Variants in NMNAT1 observed in about 807,000 individuals in gnomAD.
NMNAT1 encodes nicotinamide nucleotide adenylyltransferase 1.
In NMNAT1, 11 loss-of-function variants were observed where a neutral mutation model predicts 16.7. The observed-to-expected ratio is 0.66, with a 90% CI of 0.41 to 1.09. The LOEUF is 1.09. NMNAT1 is among the 50% of genes least tolerant of loss of function. The probability of loss-of-function intolerance (pLI) is 0.00; values close to 1 mark genes in which losing one functional copy is unlikely to be tolerated. For synonymous variants in NMNAT1, 110 were observed against 119.8 expected, an observed-to-expected ratio of 0.92 and a Z score of 0.53; for missense variants, 280 against 332.3, an observed-to-expected ratio of 0.84 and a Z score of 1.22.
intron 1 of NMNAT1, among the ~76,000 whole-genome samples, chr1:9,949,197 G>A (rs1298005754): frequency 1.3e-5 from 2 of 150,974 alleles, no homozygotes; most frequent in African/African-American, 4.9e-5. Context: ...AACCCTGGAG[G>A]CGGAGATTTC....
downstream of NMNAT1, among the ~76,000 whole-genome samples, chr1:9,987,400 G>A (rs1642058523): frequency 6.6e-6 from 1 of 151,956 alleles, no homozygotes; most frequent in African/African-American, 2.4e-5. Flanking sequence ...CAGCACTTTG[G>A]GAGGCCGAGG....
chr1:9,979,294 C>T (rs1247637339), intron 3 of NMNAT1, among the ~76,000 whole-genome samples: 2 of 151,796 alleles, frequency 1.3e-5, no homozygotes, highest in East Asian at 3.9e-4. Context: ...ATAGTGAGAC[C>T]TCATCTCTCC....
At chr1:9,990,868 C>T in the NMNAT1 span, among the ~76,000 whole-genome samples, 1 of 152,034 alleles carries the variant, frequency 6.6e-6, no homozygotes, top group Non-Finnish European at 1.5e-5. Flanking sequence ...CAAATTTGAC[C>T]AAATAAATTA....
intron 1 of NMNAT1, among the ~76,000 whole-genome samples, chr1:9,954,786 G>A (rs535212819): frequency 6.6e-6 from 1 of 151,106 alleles, no homozygotes; most frequent in Non-Finnish European, 1.5e-5. Flanking sequence ...CAAACATTAG[G>A]TTCGTGTGGT....
chr1:9,959,327 G>A (rs187756498), intron 1 of NMNAT1, among the ~76,000 whole-genome samples: 151 of 142,088 alleles, frequency 1.1e-3, no homozygotes, highest in South Asian at 3.5e-3. Flanking sequence ...AGCTGAGATC[G>A]TGCCATTGCA....
downstream of NMNAT1, among the ~76,000 whole-genome samples, chr1:9,990,392 C>A (rs1207825412): frequency 6.6e-6 from 1 of 152,200 alleles, no homozygotes; most frequent in Non-Finnish European, 1.5e-5. Context: ...AGTGACTCCT[C>A]ATGGCTCCCC....
At position 9,982,314 on chromosome 1, in the gene NMNAT1, C is replaced by A. The variant is rs747791300; in HGVS notation, c.453C>A (p.Val151=). 2 of 1,611,964 alleles carry A rather than the reference C, an allele frequency of 1.2e-6. No homozygotes were observed. The highest frequency in any genetic ancestry group is 1.1e-5 in the South Asian group (1 of 90,846). Residue 151 remains valine (V), a synonymous_variant, in exon 5 of 5, where the codon GTC becomes GTA. Coordinates refer to ENST00000377205, the MANE Select transcript of NMNAT1 (RefSeq NM_022787.4). The stretch of plus-strand genomic sequence containing the variant: ...TATTCTTCCCAGCTGTGCCAAAGGT[C>A]AAGCTGCTGTGTGGGGCAGATTTAT... The part of the protein sequence containing the change: ...LEPKTKAVPK[V]KLLCGADLLE...
At chr1:9,987,655 A>T (rs537217684), downstream of NMNAT1, among the ~76,000 whole-genome samples, 5 of 151,814 alleles carry the variant, frequency 3.3e-5, no homozygotes, top group East Asian at 1.9e-4. Flanking sequence ...AAATAAATAA[A>T]TAAATTAAAT....
At chr1:9,990,854 G>C in the NMNAT1 span, among the ~76,000 whole-genome samples, 24 of 152,160 alleles carry the variant, frequency 1.6e-4, no homozygotes, top group East Asian at 1.9e-3. Context: ...GGAAAGAAAG[G>C]GCTCAAATTT....
In NMNAT1 at chr1:9,984,668, C is replaced by T. The variant is rs1474332540; in HGVS notation, c.*1967C>T. On this transcript the variant is annotated 3_prime_UTR_variant, in exon 5 of 5. Coordinates refer to ENST00000377205, the MANE Select transcript of NMNAT1 (RefSeq NM_022787.4). ...GTGTGATGCTGGTGTTTTGTTTGGC[C>T]TGTTTGTTTGATGCTGGGGGTTTTA... The T allele has an allele frequency of 1.3e-5, 2 of 152,118 alleles. No individual in the cohort carries two copies. The highest frequency in any genetic ancestry group is 1.9e-4 in the East Asian group (1 of 5,198). 9.4% of individuals were successfully genotyped at this position (152,118 alleles called of 1,614,324 possible). A position where few individuals can be genotyped will look rare whatever the true frequency, so the allele number is the denominator to read the frequency against.
At chr1:9,996,167 C>T in the NMNAT1 span, among the ~76,000 whole-genome samples, 4 of 144,488 alleles carry the variant, frequency 2.8e-5, no homozygotes, top group Admixed American at 1.4e-4. Flanking sequence ...AAAAGTTAGC[C>T]GGGCGTGTTG....
chr1:9,967,079 C>G (rs1041289527), intron 1 of NMNAT1, among the ~76,000 whole-genome samples: 1 of 151,914 alleles, frequency 6.6e-6, no homozygotes, highest in African/African-American at 2.4e-5. Context: ...CAAAAATTAG[C>G]TGGGCATGTT....
chr1:9,971,174 G>A (rs567123068), intron 1 of NMNAT1, among the ~76,000 whole-genome samples: 16 of 152,274 alleles, frequency 1.1e-4, no homozygotes, highest in Admixed American at 2.0e-4. Context: ...TAACACTTGT[G>A]CCACATTCTT....
At chr1:9,987,793 A>G (rs1380842744), downstream of NMNAT1, among the ~76,000 whole-genome samples, 1 of 152,032 alleles carries the variant, frequency 6.6e-6, no homozygotes, top group Non-Finnish European at 1.5e-5. Flanking sequence ...ACCCCACTGC[A>G]CTCCAGCCTG....
chr1:9,953,597 C>T (rs59029301), intron 1 of NMNAT1, among the ~76,000 whole-genome samples: 249 of 151,268 alleles, frequency 1.6e-3, no homozygotes, highest in African/African-American at 2.9e-3. Context: ...TGTGCCACCA[C>T]GCTCAGCTAA....
chr1:9,981,073 G>A lies in NMNAT1; in HGVS notation c.342G>A (p.Gln114=), dbSNP rs1243020773. The change falls in exon 4 of 5, where the codon CAG becomes CAA. Residue 114 remains glutamine, a synonymous_variant. Transcript: ENST00000377205. ...TGGAGGCTAGTGACTGTGATCACCA[G>A]CAGAACTCACCTACTCTAGAAAGGC... ...EKLEASDCDH[Q]QNSPTLERPG... The A allele has an allele frequency of 1.2e-6, 2 of 1,613,392 alleles. No homozygotes were observed. Among genetic ancestry groups the A allele is most frequent in the Admixed American group, 1.7e-5 (1 of 59,728 alleles).
At chr1:9,987,419 T>G (rs913062962), downstream of NMNAT1, among the ~76,000 whole-genome samples, 5 of 151,710 alleles carry the variant, frequency 3.3e-5, no homozygotes, top group Non-Finnish European at 7.4e-5. Context: ...GGAGGGCAGA[T>G]CACAAGGTCA....
intron 1 of NMNAT1, among the ~76,000 whole-genome samples, chr1:9,946,221 T>C (rs1291205807): frequency 6.6e-6 from 1 of 152,202 alleles, no homozygotes; most frequent in Non-Finnish European, 1.5e-5. Context: ...GGTTCTTGTT[T>C]AGAGTTAATG....
the NMNAT1 span, among the ~76,000 whole-genome samples, chr1:9,991,896 C>T: frequency 9.3e-5 from 14 of 149,768 alleles, no homozygotes; most frequent in East Asian, 1.9e-4. Context: ...AAAAATAAGA[C>T]GAAAAAAAAA....
Sources: gnomAD v4.1 joint callset for allele counts (sites outside exome capture counted in the v4.1 genomes callset) on GRCh38, gnomAD v4.1.1 for gene constraint, MANE v1.5 for transcripts, NCBI Gene and HGNC (gene_info 2026-07-23, HGNC 2026-07-21) for gene names.